SCIN: variants seen among roughly 807,000 people sequenced by gnomAD.
The protein encoded by SCIN is adseverin.
Under a neutral mutation model 91.8 loss-of-function variants are expected in SCIN, and 91 were observed. The observed-to-expected ratio is 0.99, with a 90% CI of 0.84 to 1.18. The LOEUF is 1.18. SCIN is among the 50% of genes most tolerant of loss of function. SCIN has a pLI of 0.00. For synonymous variants in SCIN, 367 were observed against 312.6 expected (o/e 1.17, Z -1.84); for missense variants, 1,087 against 863.9 (o/e 1.26, Z -3.24).
rs2075714523 is a variant in SCIN at position 12,622,743 on chromosome 7, C to T, written c.667-58C>T. On this transcript the variant is annotated intron_variant, in intron 4 of 15. Transcript: ENST00000297029. ...TGTCTTTATAAGTGTATTTTTCTAA[C>T]TCTGCATCCTTCAATGGGAGATCTT... The T allele has an allele frequency of 4.3e-6, 5 of 1,166,256 alleles. No individual in the cohort carries two copies. In the African/African-American group the frequency reaches 4.6e-5, roughly 11 times the overall value. The allele number at this position is 1,166,256 out of a possible 1,614,324, so 72.2% of individuals were successfully genotyped here. A position where few individuals can be genotyped will look rare whatever the true frequency, so the allele number is the denominator to read the frequency against.
chr7:12,624,954 T>C (rs1783481439), intron 5 of SCIN, 56 bp from the exon 6 acceptor site: 7 of 1,518,650 alleles, frequency 4.6e-6, no homozygotes, highest in Non-Finnish European at 6.2e-6. Context: ...AATCTAATTA[T>C]AGAACATCCT....
intron 6 of SCIN, 53 bp downstream of exon 6, chr7:12,625,195 A>G: frequency 2.2e-6 from 3 of 1,386,286 alleles, no homozygotes; most frequent in South Asian, 1.5e-5. Flanking sequence ...TATTTCCTCT[A>G]TAAGGGTAAA....
chr7:12,657,555 TATATATATATATATATA>T lies in SCIN; in HGVS notation c.*4841_*4857del, dbSNP rs1253395385. 1 of 20,574 alleles carries T rather than the reference TATATATATATATATATA, an allele frequency of 4.9e-5. No homozygotes were observed. Among genetic ancestry groups the T allele is most frequent in the Non-Finnish European group, 1.2e-4 (1 of 8,594 alleles). 1.3% of individuals were successfully genotyped at this position (20,574 alleles called of 1,614,324 possible). ...ATGTGTGTGTATATATATATATATA[TATATATATATATATATA>T]TTTTTTTTTTTTTTTTTTTTTTTTT... On this transcript the variant is annotated 3_prime_UTR_variant, in exon 16 of 16. Transcript: ENST00000297029.
At chr7:12,627,334 T>C (rs1222167480) in intron 8 of SCIN, among the ~76,000 whole-genome samples, 6 of 152,076 alleles carry the variant, frequency 3.9e-5, no homozygotes, top group Non-Finnish European at 8.8e-5. Context: ...TTCCTACGCC[T>C]CCTTGGCAAC....
intron 5 of SCIN, among the ~76,000 whole-genome samples, chr7:12,623,099 AAT>A (rs777722788): frequency 3.1e-4 from 47 of 152,274 alleles, no homozygotes; most frequent in Non-Finnish European, 6.5e-4. Context: ...AAAAACAACA[AAT>A]ATGTGAACTT....
rs995964267 is a variant in SCIN, at chr7:12,659,330, A to C, written c.*6615A>C. 6.6e-6 allele frequency: 1 copy of C among 152,196 alleles called. No homozygotes were observed. The highest frequency in any genetic ancestry group is 2.4e-5 in the African/African-American group (1 of 41,434). 9.4% of individuals were successfully genotyped at this position (152,196 alleles called of 1,614,324 possible). The stretch of plus-strand genomic sequence containing the variant: ...TTAATCTATGTCTCTATGAGCTGGT[A>C]AACAATAGACAGGTAAATACAGACT... On this transcript the variant is annotated 3_prime_UTR_variant, in exon 16 of 16. Coordinates refer to ENST00000297029, the MANE Select transcript of SCIN (RefSeq NM_001112706.3).
chr7:12,581,858 C>A (rs1261152448), intron 3 of SCIN, among the ~76,000 whole-genome samples: 2 of 152,106 alleles, frequency 1.3e-5, no homozygotes. Context: ...CTTTGCTAGA[C>A]CCTAGAAGGT....
intron 13 of SCIN, among the ~76,000 whole-genome samples, chr7:12,649,094 CTT>C (rs752697719): frequency 2.0e-5 from 3 of 152,148 alleles, no homozygotes; most frequent in Non-Finnish European, 2.9e-5. Context: ...CTCTGGCACT[CTT>C]TGGTCTTCCT....
Position 12,653,153 on chromosome 7 carries a change from T to C in SCIN, c.*438T>C, listed in dbSNP as rs1418048199. On this transcript the variant is annotated 3_prime_UTR_variant, in exon 16 of 16. Transcript: ENST00000297029. This position sits in a 1 kb window ranked among gnomAD's most constrained non-coding sequence, Gnocchi z 4.1. ...CAACCAAACGCCTATTTTTTAATGC[T>C]TAGTTTTGGCTTGAAATTCTTCTTC... The C allele has an allele frequency of 6.6e-6, 1 of 152,328 alleles. No homozygotes were observed. Among genetic ancestry groups the C allele is most frequent in the Admixed American group, 6.6e-5 (1 of 15,246 alleles). The allele number at this position is 152,328 out of a possible 1,614,324, so 9.4% of individuals were successfully genotyped here.
chr7:12,581,226 G>C lies in SCIN; in HGVS notation c.516+5G>C. Reference sequence around the variant, plus strand: ...TTCATCATTGACCTTGGCACCGTAAGTTTCATATATACACATCGATGTCTA... The same window carrying C: ...TTCATCATTGACCTTGGCACCGTAACTTTCATATATACACATCGATGTCTA... On this transcript the variant is annotated splice_donor_5th_base_variant and intron_variant, in intron 3 of 15. Coordinates refer to ENST00000297029, the MANE Select transcript of SCIN (RefSeq NM_001112706.3). 6.4e-7 allele frequency: 1 copy of C among 1,550,924 alleles called. No individual in the cohort carries two copies. Among genetic ancestry groups the C allele is most frequent in the Non-Finnish European group, 8.7e-7 (1 of 1,146,462 alleles).
intron 9 of SCIN, among the ~76,000 whole-genome samples, chr7:12,635,611 C>CAAAAAA (rs59324421): frequency 0.017 from 101 of 5,862 alleles, 23 homozygotes; most frequent in Non-Finnish European, 0.025. Context: ...GACTCCGTCT[C>CAAAAAA]AAAAAAAAAA....
At chr7:12,629,486 G>A (rs2115278835) in intron 9 of SCIN, among the ~76,000 whole-genome samples, 1 of 152,200 alleles carries the variant, frequency 6.6e-6, no homozygotes, top group Admixed American at 6.5e-5. Context: ...TCTCCTAGTG[G>A]ATATGTAGTT....
chr7:12,579,505 C>T (rs563188205), intron 2 of SCIN, among the ~76,000 whole-genome samples: 170 of 152,332 alleles, frequency 1.1e-3, no homozygotes, highest in Non-Finnish European at 2.0e-3. Context: ...ATTTCTGCCA[C>T]ATATGACTTG....
intron 3 of SCIN, among the ~76,000 whole-genome samples, chr7:12,602,687 T>C (rs910906024): frequency 4.6e-5 from 7 of 152,214 alleles, no homozygotes; most frequent in Admixed American, 4.6e-4. Context: ...CGTCCATTTA[T>C]AGACTCTCTG....
intron 1 of SCIN, chr7:12,577,401 C>G (rs1782393929): frequency 2.7e-6 from 1 of 371,278 alleles, no homozygotes; most frequent in Non-Finnish European, 5.3e-6. Context: ...CTAATAAAGG[C>G]TAAACCACTT....
rs1784212981 is a variant in SCIN at position 12,658,855 on chromosome 7, T to C, written c.*6140T>C. ...GAAATTGTAATTACTGTAGAATGTATAGTGTTTTGAATGGCTATTGTATTT... is the reference window on the plus strand; with the variant it reads ...GAAATTGTAATTACTGTAGAATGTACAGTGTTTTGAATGGCTATTGTATTT... On this transcript the variant is annotated 3_prime_UTR_variant, in exon 16 of 16. Coordinates refer to ENST00000297029, the MANE Select transcript of SCIN (RefSeq NM_001112706.3). 6.6e-6 allele frequency: 1 copy of C among 152,228 alleles called. No individual in the cohort carries two copies. Among genetic ancestry groups the C allele is most frequent in the South Asian group, 2.1e-4 (1 of 4,828 alleles). The allele number at this position is 152,228 out of a possible 1,614,324, so 9.4% of individuals were successfully genotyped here. A position where few individuals can be genotyped will look rare whatever the true frequency, so the allele number is the denominator to read the frequency against.
chr7:12,629,023 A>G, intron 8 of SCIN, 78 bp from the exon 9 acceptor site: 1 of 1,263,562 alleles, frequency 7.9e-7, no homozygotes, highest in Non-Finnish European at 1.1e-6. Context: ...ATTTGAACCA[A>G]AAATTATTTA....
chr7:12,571,033 G>C, intron 1 of SCIN, 48 bp downstream of exon 1: 2 of 1,521,136 alleles, frequency 1.3e-6, no homozygotes, highest in Non-Finnish European at 1.8e-6. Context: ...GGCCGGCGAG[G>C]GGAGGGCGTA....
intron 1 of SCIN, chr7:12,571,672 A>G (rs1049304554): frequency 2.6e-5 from 11 of 420,260 alleles, no homozygotes; most frequent in African/African-American, 1.9e-4. Flanking sequence ...ATAGCTCTAT[A>G]TGGGTATTTC....
Sources: gnomAD v4.1 joint callset for allele counts (sites outside exome capture counted in the v4.1 genomes callset) on GRCh38, gnomAD v4.1.1 for gene constraint, Gnocchi (gnomAD v3.1) non-coding constraint, MANE v1.5 for transcripts, NCBI Gene and HGNC (gene_info 2026-07-23, HGNC 2026-07-21) for gene names.